The following TMEM135 variants were observed in gnomAD, a reference collection of about 807,000 sequenced individuals.
TMEM135 encodes peroxisomal membrane protein 52.
TMEM135 carries 30 observed loss-of-function variants against 60.3 expected under a neutral mutation model. The observed-to-expected ratio is 0.50, with a 90% CI of 0.37 to 0.68. The LOEUF is 0.68. Among genes scored for constraint, TMEM135 ranks in the 30% least tolerant of loss-of-function variants. The pLI is 0.00. For missense variants in TMEM135, 468 were observed against 548.8 expected (o/e 0.85, Z 1.47); for synonymous variants, 190 against 186.7 (o/e 1.02, Z -0.14).
intron 1 of TMEM135, among the ~76,000 whole-genome samples, chr11:87,060,937 C>T (rs569141718): frequency 8.5e-5 from 13 of 152,208 alleles, no homozygotes; most frequent in South Asian, 6.2e-4. Flanking sequence ...CCACCGCACC[C>T]GGCCTGTCCT....
At chr11:87,294,064 TGAGA>T (rs1942310432) in intron 6 of TMEM135, among the ~76,000 whole-genome samples, 2 of 152,230 alleles carry the variant, frequency 1.3e-5, no homozygotes, top group Admixed American at 1.3e-4. Flanking sequence ...CTTACTGGCA[TGAGA>T]TGGTATCTCA....
intron 5 of TMEM135, among the ~76,000 whole-genome samples, chr11:87,225,645 G>C (rs1324988255): frequency 2.0e-5 from 3 of 151,952 alleles, no homozygotes; most frequent in Non-Finnish European, 4.4e-5. Context: ...TTTACCTTTG[G>C]AAGCATTAGG....
intron 5 of TMEM135, among the ~76,000 whole-genome samples, chr11:87,227,414 G>A (rs301578): frequency 0.78 from 119,077 of 151,842 alleles, 47,428 homozygotes; most frequent in Non-Finnish European, 0.83. Context: ...TGGAGACCCA[G>A]GACTTCTTTC....
In TMEM135 at chr11:87,328,055, AT is replaced by A. The variant is rs1349492994; in HGVS notation, c.*6723del. On this transcript the variant is annotated 3_prime_UTR_variant, in exon 15 of 15. Transcript: ENST00000305494. ...AAATAATGCCTTACCAGTTCTCTAGATATTCCTTAATCCAGTCAAGTTGATG... is the reference window on the plus strand; with the variant it reads ...AAATAATGCCTTACCAGTTCTCTAGAATTCCTTAATCCAGTCAAGTTGATG... 2.2e-6 allele frequency: 1 copy of A among 454,058 alleles called. No homozygotes were observed. Among genetic ancestry groups the A allele is most frequent in the African/African-American group, 2.0e-5 (1 of 50,104 alleles). The allele number at this position is 454,058 out of a possible 1,614,324, so 28.1% of individuals were successfully genotyped here.
At chr11:87,149,874 T>G (rs1938511200) in intron 4 of TMEM135, among the ~76,000 whole-genome samples, 1 of 152,198 alleles carries the variant, frequency 6.6e-6, no homozygotes, top group Admixed American at 6.5e-5. Context: ...GTTGATTACT[T>G]CTATAATAGT....
intron 7 of TMEM135, 38 bp downstream of exon 7, chr11:87,295,861 C>A: frequency 1.3e-6 from 2 of 1,519,940 alleles, no homozygotes; most frequent in South Asian, 1.2e-5. Context: ...AGAGAATTTA[C>A]AAGTTAACTT....
chr11:87,252,601 C>T (rs899945929), intron 6 of TMEM135, among the ~76,000 whole-genome samples: 9 of 151,616 alleles, frequency 5.9e-5, no homozygotes, highest in Non-Finnish European at 1.2e-4. Context: ...GGAGAAACCC[C>T]GTCACTACTA....
At chr11:87,179,425 T>C (rs972393601) in intron 5 of TMEM135, among the ~76,000 whole-genome samples, 13 of 152,288 alleles carry the variant, frequency 8.5e-5, no homozygotes, top group Non-Finnish European at 1.9e-4. Flanking sequence ...AGCTATACTT[T>C]TGCTATCATA....
At chr11:87,158,522 C>T (rs1227735732) in intron 5 of TMEM135, among the ~76,000 whole-genome samples, 10 of 148,260 alleles carry the variant, frequency 6.7e-5, no homozygotes, top group Middle Eastern at 3.6e-3. Flanking sequence ...AGTGCAGTGT[C>T]ATGATCTTGG....
chr11:87,152,457 G>A (rs1368770247), intron 4 of TMEM135, among the ~76,000 whole-genome samples: 3 of 152,020 alleles, frequency 2.0e-5, no homozygotes, highest in Admixed American at 2.0e-4. Flanking sequence ...GATTCTCAAT[G>A]TTACTTTATT....
chr11:87,094,624 TGAG>T (rs1857282057), intron 4 of TMEM135: 1 of 154,090 alleles, frequency 6.5e-6, no homozygotes, highest in African/African-American at 2.4e-5. Context: ...GAGGATTGCT[TGAG>T]GGCAGTAGCC....
intron 5 of TMEM135, among the ~76,000 whole-genome samples, chr11:87,173,104 T>C (rs977662506): frequency 6.6e-6 from 1 of 152,130 alleles, no homozygotes; most frequent in African/African-American, 2.4e-5. Context: ...TATTTTTTCT[T>C]ATATATTTTT....
intron 4 of TMEM135, among the ~76,000 whole-genome samples, chr11:87,153,442 T>C (rs1179801840): frequency 1.3e-5 from 2 of 152,194 alleles, no homozygotes; most frequent in Admixed American, 1.3e-4. Context: ...TATCGAGTTA[T>C]TGTCAGCAAG....
intron 5 of TMEM135, among the ~76,000 whole-genome samples, chr11:87,216,143 G>A (rs545092031): frequency 6.6e-6 from 1 of 152,262 alleles, no homozygotes; most frequent in East Asian, 1.9e-4. Flanking sequence ...ATAGGGTTTG[G>A]CATTATAAGT....
chr11:87,249,995 T>C (rs1187981461), intron 6 of TMEM135, among the ~76,000 whole-genome samples: 4 of 152,070 alleles, frequency 2.6e-5, no homozygotes, highest in African/African-American at 9.7e-5. Flanking sequence ...CTTTGATCTA[T>C]TCAGGTTTTG....
chr11:87,289,436 T>A (rs1250674931), intron 6 of TMEM135, among the ~76,000 whole-genome samples: 3 of 107,228 alleles, frequency 2.8e-5, no homozygotes, highest in East Asian at 2.7e-4. Flanking sequence ...TATCTCCATA[T>A]CTTTTTTTTT....
At chr11:87,246,561 T>C (rs531710528) in intron 6 of TMEM135, among the ~76,000 whole-genome samples, 2 of 152,252 alleles carry the variant, frequency 1.3e-5, no homozygotes, top group African/African-American at 4.8e-5. Context: ...CTTTGTGTTC[T>C]TTTTTCTCTA....
chr11:87,209,144 A>C (rs753741202), intron 5 of TMEM135, among the ~76,000 whole-genome samples: 9 of 152,204 alleles, frequency 5.9e-5, no homozygotes, highest in Admixed American at 5.9e-4. Flanking sequence ...CTATATAATC[A>C]AGTCTACATA....
chr11:87,158,043 T>C (rs1938750064), intron 5 of TMEM135, among the ~76,000 whole-genome samples: 1 of 152,216 alleles, frequency 6.6e-6, no homozygotes, highest in African/African-American at 2.4e-5. Context: ...CACCAAATTG[T>C]TATGTTCCTT....
Sources: gnomAD v4.1 joint callset for allele counts (sites outside exome capture counted in the v4.1 genomes callset) on GRCh38, gnomAD v4.1.1 for gene constraint, MANE v1.5 for transcripts, NCBI Gene and HGNC (gene_info 2026-07-23, HGNC 2026-07-21) for gene names.